Variants in MACF1 observed in about 807,000 individuals in gnomAD.
MACF1 encodes microtubule actin crosslinking factor 1.
Under a neutral mutation model 854.8 loss-of-function variants are expected in MACF1, and 193 were observed. That is an observed-to-expected ratio of 0.23 (90% CI 0.20 to 0.25). MACF1 has a LOEUF of 0.25. Among genes scored for constraint, MACF1 ranks in the 10% least tolerant of loss-of-function variants. The pLI is 1.00. For missense variants in MACF1, 7,722 were observed against 8,929.1 expected (o/e 0.86, Z 5.45); for synonymous variants, 3,185 against 3,226.7 (o/e 0.99, Z 0.44).
intron 56 of MACF1, among the ~76,000 whole-genome samples, chr1:39,383,804 G>A (rs910250371): frequency 2.6e-4 from 39 of 151,948 alleles, no homozygotes; most frequent in Non-Finnish European, 3.7e-4. Context: ...ATGAACTCGG[G>A]AGGCGAAGCT....
At position 39,485,664 on chromosome 1, in the gene MACF1, A is replaced by G. The variant is rs757929942; in HGVS notation, c.22538A>G (p.Asp7513Gly). 6.2e-7 allele frequency: 1 copy of G among 1,614,030 alleles called. No individual in the cohort carries two copies. Among genetic ancestry groups the G allele is most frequent in the Non-Finnish European group, 8.5e-7 (1 of 1,179,990 alleles). ...TTAGAGACGCAGTCTGCTTGTTCCG[A>G]CACTTCAGAAAGCAGCGCTGCAGGG... ...DLLETQSACS[D>G]TSESSAAGGQ... The change falls in exon 101 of 101, where the codon GAC becomes GGC. Residue 7513 changes from aspartate (D) to glycine (G), a missense_variant. Transcript: ENST00000564288.
intron 2 of MACF1, among the ~76,000 whole-genome samples, chr1:39,136,823 A>C (rs529546852): frequency 2.6e-5 from 4 of 152,360 alleles, no homozygotes; most frequent in African/African-American, 9.6e-5. Flanking sequence ...GAAACAGATT[A>C]AATATGAACG....
At position 39,430,824 on chromosome 1, in the gene MACF1, T is replaced by A. The variant is rs1336867119; in HGVS notation, c.17253T>A (p.Asp5751Glu). Residue 5751 changes from aspartate (D) to glutamate (E), a missense_variant, in exon 66 of 101, where the codon GAT (aspartate) becomes GAA (glutamate). This residue lies in a region of MACF1 where 2,807 missense variants were observed against 3,235.8 expected (regional missense o/e 0.87). Transcript: ENST00000564288. ...AAGGGCTGGATAAACTTGTGTCCGATGCTAACGAGCAGTACAAACTAGTCA... is the reference window on the plus strand; with the variant it reads ...AAGGGCTGGATAAACTTGTGTCCGAAGCTAACGAGCAGTACAAACTAGTCA... ...AREGLDKLVS[D>E]ANEQYKLVSD... The A allele has an allele frequency of 6.2e-7, 1 of 1,612,642 alleles. No homozygotes were observed. Among genetic ancestry groups the A allele is most frequent in the African/African-American group, 1.3e-5 (1 of 74,874 alleles).
chr1:39,339,752 T>C (rs1032394822), intron 38 of MACF1, among the ~76,000 whole-genome samples: 1 of 152,128 alleles, frequency 6.6e-6, no homozygotes, highest in African/African-American at 2.4e-5. Context: ...ACCAGTCCCC[T>C]AAAAACGTAG....
Position 39,437,930 on chromosome 1 carries a change from T to G in MACF1, c.18142T>G (p.Ser6048Ala), listed in dbSNP as rs1644016099. 2 of 1,614,076 alleles carry G rather than the reference T, an allele frequency of 1.2e-6. No homozygotes were observed. Among genetic ancestry groups the G allele is most frequent in the Non-Finnish European group, 8.5e-7 (1 of 1,180,004 alleles). ...CGTGGAGCTAGAAAAACTGCAGCCA[T>G]CCTTTGAGGCCTTGAAGCGCCGTGG... ...ATVELEKLQP[S>A]FEALKRRGEE... Residue 6048 changes from serine (S) to alanine (A), a missense_variant, in exon 71 of 101, where the codon TCC becomes GCC. Physicochemically the swap from Ser to Ala is moderately conservative, Grantham distance 99. Coordinates refer to ENST00000564288, the MANE Select transcript of MACF1 (RefSeq NM_001394062.1).
chr1:39,117,337 T>G (rs537125552), intron 2 of MACF1, among the ~76,000 whole-genome samples: 2 of 152,276 alleles, frequency 1.3e-5, no homozygotes, highest in East Asian at 3.9e-4. Flanking sequence ...GCATCTTTGT[T>G]TGTTTATTGC....
At chr1:39,392,502 G>T (rs1642072458) in intron 58 of MACF1, among the ~76,000 whole-genome samples, 7 of 152,124 alleles carry the variant, frequency 4.6e-5, no homozygotes, top group Admixed American at 3.3e-4. Flanking sequence ...AACAGCATTA[G>T]CTGTAAGTTT....
intron 2 of MACF1, among the ~76,000 whole-genome samples, chr1:39,155,621 G>A (rs983172218): frequency 9.9e-5 from 15 of 152,206 alleles, no homozygotes; most frequent in African/African-American, 3.4e-4. Context: ...ACAAAAGTTT[G>A]TATGTAGGTA....
intron 20 of MACF1, 44 bp downstream of exon 20, chr1:39,295,926 G>A (rs1404232438): frequency 6.5e-7 from 1 of 1,543,910 alleles, no homozygotes; most frequent in East Asian, 2.3e-5. Flanking sequence ...ACATATGTAT[G>A]TTAAAGGTGA....
chr1:39,288,178 G>T (rs1204559618), intron 15 of MACF1, among the ~76,000 whole-genome samples: 3 of 152,136 alleles, frequency 2.0e-5, no homozygotes, highest in Non-Finnish European at 4.4e-5. Context: ...AGACAATCCA[G>T]TTATACTCTT....
intron 2 of MACF1, among the ~76,000 whole-genome samples, chr1:39,115,246 A>C (rs962655604): frequency 7.2e-5 from 11 of 152,192 alleles, no homozygotes; most frequent in African/African-American, 2.7e-4. Flanking sequence ...AGTGGCAGAC[A>C]AGTTAGGAAG....
chr1:39,146,841 AAG>A (rs1319983621), intron 2 of MACF1, among the ~76,000 whole-genome samples: 1 of 152,184 alleles, frequency 6.6e-6, no homozygotes, highest in African/African-American at 2.4e-5. Flanking sequence ...AAATAACTAA[AAG>A]AGTTTAATTG....
chr1:39,291,835 C>G (rs1199716809), intron 15 of MACF1, 75 bp from the exon 16 acceptor site: 2 of 1,494,418 alleles, frequency 1.3e-6, no homozygotes, highest in Non-Finnish European at 1.8e-6. Context: ...GGTTCCTTGT[C>G]CTAACATTGG....
chr1:39,284,344 C>G lies in MACF1; in HGVS notation c.1047C>G (p.Asn349Lys), dbSNP rs1483750025. 3.2e-6 allele frequency: 5 copies of G among 1,587,264 alleles called. No individual in the cohort carries two copies. Among genetic ancestry groups the G allele is most frequent in the Non-Finnish European group, 3.4e-6 (4 of 1,171,278 alleles). The change falls in exon 11 of 101, where the codon AAC (asparagine) becomes AAG (lysine). Residue 349 changes from asparagine (N) to lysine (K), a missense_variant. By Grantham distance (94) the Asn-to-Lys change is moderately conservative (BLOSUM62 0). Around this residue, in one of 15 missense-constraint regions of MACF1, gnomAD observed 97 missense variants for 130.4 expected, o/e 0.74. Coordinates refer to ENST00000564288, the MANE Select transcript of MACF1 (RefSeq NM_001394062.1). ...QNPVELKALYNQYIHFKETEI... is the reference protein window; with the variant it reads ...QNPVELKALYKQYIHFKETEI... Reference sequence around the variant, plus strand: ...TATTAATTTTATAGGCACTTTATAACCAATATATACACTTCAAAGAAACAG... The same window carrying G: ...TATTAATTTTATAGGCACTTTATAAGCAATATATACACTTCAAAGAAACAG...
In MACF1 at chr1:39,290,918, G is replaced by A. The variant is rs184885370; in HGVS notation, c.1786-992G>A. On this transcript the variant is annotated intron_variant, in intron 15 of 100. Transcript: ENST00000564288. ...TTGAACTCCTGACCTCAGGTGATCCGCCCACCTTGGCCTCCCAAAGTGCTG... is the reference window on the plus strand; with the variant it reads ...TTGAACTCCTGACCTCAGGTGATCCACCCACCTTGGCCTCCCAAAGTGCTG... 1.6e-3 allele frequency among the ~76,000 whole-genome samples: 232 copies of A among 144,660 alleles called. 1 individual carries two copies. The highest frequency in any genetic ancestry group is 4.0e-3 in the African/African-American group (157 of 38,940). 94.9% of individuals were successfully genotyped at this position (144,660 alleles called of 152,430 possible).
chr1:39,360,012 A>AATATATATAT (rs1188839648), intron 47 of MACF1, among the ~76,000 whole-genome samples: 25 of 28,816 alleles, frequency 8.7e-4, no homozygotes, highest in Admixed American at 1.2e-3. Flanking sequence ...AAAAAAAAAA[A>AATATATATAT]ATATATATAT....
intron 2 of MACF1, among the ~76,000 whole-genome samples, chr1:39,167,868 C>T (rs1191609382): frequency 3.5e-5 from 3 of 84,780 alleles, no homozygotes; most frequent in Non-Finnish European, 6.9e-5. Context: ...GGCGAGACTC[C>T]GTCTCAAAAA....
At chr1:39,295,211 C>T in intron 19 of MACF1, 61 bp downstream of exon 19, 1 of 1,362,104 alleles carries the variant, frequency 7.3e-7, no homozygotes, top group South Asian at 1.2e-5. Flanking sequence ...TAAAAGTATT[C>T]AAATTAGAGA....
chr1:39,385,340 T>C, intron 56 of MACF1, 94 bp from the exon 57 acceptor site: 1 of 1,386,884 alleles, frequency 7.2e-7, no homozygotes, highest in Non-Finnish European at 9.9e-7. Context: ...AGTGCTGCGA[T>C]TACAGGCATG....
Sources: allele counts gnomAD v4.1 joint callset (sites outside exome capture counted in the v4.1 genomes callset), GRCh38; gene constraint gnomAD v4.1.1; regional missense constraint gnomAD v4.1.1; transcripts MANE v1.5; gene names NCBI Gene and HGNC (gene_info 2026-07-23, HGNC 2026-07-21).